Variants in DOCK1 observed in about 807,000 individuals in gnomAD.
DOCK1 encodes dedicator of cytokinesis 1, also known as dedicator of cytokinesis protein 1.
Under a neutral mutation model 262.7 loss-of-function variants are expected in DOCK1, and 138 were observed. The observed-to-expected ratio is 0.53, with a 90% CI of 0.46 to 0.61. DOCK1 has a LOEUF of 0.61. Among genes scored for constraint, DOCK1 ranks in the 20% least tolerant of loss-of-function variants. DOCK1 has a pLI of 0.00. For missense variants in DOCK1, 1,908 were observed against 2,370.7 expected, an observed-to-expected ratio of 0.80 and a Z score of 4.05; for synonymous variants, 866 against 867.4, an observed-to-expected ratio of 1.00 and a Z score of 0.03.
chr10:127,433,498 G>T, intron 48 of DOCK1, 70 bp downstream of exon 48: 1 of 1,521,430 alleles, frequency 6.6e-7, no homozygotes, highest in Admixed American at 2.2e-5. Context: ...AGCCACCCAG[G>T]GCTCTGGGTT....
intron 29 of DOCK1, among the ~76,000 whole-genome samples, chr10:127,266,215 G>A (rs1046281986): frequency 1.3e-5 from 2 of 152,204 alleles, no homozygotes; most frequent in African/African-American, 4.8e-5. Context: ...CTTTGTGCAG[G>A]TTGAAATCAT....
rs2135644292 is a variant in DOCK1 at position 127,043,097 on chromosome 10, T to C, written c.2134T>C (p.Phe712Leu). Residue 712 changes from phenylalanine to leucine, a missense_variant, in exon 21 of 52, where the codon TTT becomes CTT. Physicochemically the swap from Phe to Leu is conservative, Grantham distance 22. This residue lies in a region of DOCK1 where 294 missense variants were observed against 439.9 expected (regional missense o/e 0.67). Coordinates refer to ENST00000623213, the MANE Select transcript of DOCK1 (RefSeq NM_001290223.2). Reference protein sequence around the residue: ...FIIGLIADRKFQHFNPVLETY... With the variant: ...FIIGLIADRKLQHFNPVLETY... ...CATTGGACTGATTGCTGATAGAAAATTTCAGCATTTTAATCCTGTTTTGGA... is the reference window on the plus strand; with the variant it reads ...CATTGGACTGATTGCTGATAGAAAACTTCAGCATTTTAATCCTGTTTTGGA... 1 of 1,610,634 alleles carries C rather than the reference T, an allele frequency of 6.2e-7. No homozygotes were observed. The highest frequency in any genetic ancestry group is 1.3e-5 in the African/African-American group (1 of 75,036).
At chr10:127,112,768 A>G (rs1302141299) in intron 25 of DOCK1, among the ~76,000 whole-genome samples, 2 of 152,222 alleles carry the variant, frequency 1.3e-5, no homozygotes, top group East Asian at 3.9e-4. Flanking sequence ...TTGCCCCATC[A>G]GTAGAAGTTG....
At chr10:127,041,873 C>G (rs1457467579) in intron 19 of DOCK1, among the ~76,000 whole-genome samples, 1 of 152,144 alleles carries the variant, frequency 6.6e-6, no homozygotes, top group Non-Finnish European at 1.5e-5. Flanking sequence ...TCTGCCTCTT[C>G]TTGACCTTCT....
intron 27 of DOCK1, among the ~76,000 whole-genome samples, chr10:127,152,792 C>A (rs1375162807): frequency 2.6e-5 from 4 of 152,212 alleles, no homozygotes; most frequent in Non-Finnish European, 4.4e-5. Context: ...GCCTTCGGTG[C>A]CTATCTCTAC....
At chr10:127,160,527 GCC>G (rs2053508625) in intron 27 of DOCK1, among the ~76,000 whole-genome samples, 1 of 152,190 alleles carries the variant, frequency 6.6e-6, no homozygotes, top group Non-Finnish European at 1.5e-5. Context: ...TCTTTTAAAT[GCC>G]TTGTTAATTT....
At chr10:127,070,788 A>G (rs2135923143) in intron 23 of DOCK1, among the ~76,000 whole-genome samples, 1 of 151,588 alleles carries the variant, frequency 6.6e-6, no homozygotes, top group South Asian at 2.1e-4. Context: ...CTCTGTAGGG[A>G]GGGGGCCTCA....
intron 27 of DOCK1, among the ~76,000 whole-genome samples, chr10:127,211,555 TA>T (rs2057976456): frequency 6.6e-6 from 1 of 152,262 alleles, no homozygotes; most frequent in African/African-American, 2.4e-5. Context: ...TGCTTTTTAT[TA>T]TTGTCATGTT....
intron 29 of DOCK1, among the ~76,000 whole-genome samples, chr10:127,264,208 CAGCTTCCCT>C: frequency 6.6e-6 from 1 of 152,196 alleles, no homozygotes; most frequent in Non-Finnish European, 1.5e-5. Context: ...CTCCAGCTCA[CAGCTTCCCT>C]AGTCCTCCCT....
intron 29 of DOCK1, among the ~76,000 whole-genome samples, chr10:127,279,432 C>T (rs371553623): frequency 9.2e-5 from 14 of 152,300 alleles, no homozygotes; most frequent in Admixed American, 7.8e-4. Flanking sequence ...GAAGAATCAG[C>T]TTTGCTTGAC....
At chr10:126,928,083 C>T (rs952886133) in intron 1 of DOCK1, among the ~76,000 whole-genome samples, 5 of 152,176 alleles carry the variant, frequency 3.3e-5, no homozygotes, top group South Asian at 2.1e-4. Context: ...GCAGTGGGAA[C>T]GGCACATCCT....
chr10:127,064,326 C>T (rs553227484), intron 23 of DOCK1, among the ~76,000 whole-genome samples: 1 of 152,300 alleles, frequency 6.6e-6, no homozygotes, highest in East Asian at 1.9e-4. Context: ...TGGTACCAAA[C>T]CTGCCACTGG....
intron 29 of DOCK1, among the ~76,000 whole-genome samples, chr10:127,261,517 A>G (rs1169102454): frequency 4.4e-4 from 21 of 47,272 alleles, no homozygotes; most frequent in African/African-American, 8.7e-4. Context: ...GTGTGTGTGT[A>G]CCTGCATGTG....
At chr10:127,034,770 T>C (rs904353486) in intron 18 of DOCK1, among the ~76,000 whole-genome samples, 2 of 152,202 alleles carry the variant, frequency 1.3e-5, no homozygotes, top group African/African-American at 4.8e-5. Flanking sequence ...ATTACTTAAC[T>C]TGCTCATCTT....
intron 1 of DOCK1, among the ~76,000 whole-genome samples, chr10:126,935,429 G>A (rs2134209983): frequency 6.6e-6 from 1 of 152,318 alleles, no homozygotes; most frequent in Non-Finnish European, 1.5e-5. Context: ...GGAGGGCCTG[G>A]GAGATGCAGA....
intron 27 of DOCK1, chr10:127,196,022 G>C (rs2057112333): frequency 1.3e-5 from 2 of 152,146 alleles, no homozygotes; most frequent in South Asian, 4.1e-4. Context: ...GATAAGTCGA[G>C]GTCGATGCAG....
chr10:127,400,450 A>G (rs2067156263), intron 38 of DOCK1, among the ~76,000 whole-genome samples: 1 of 152,176 alleles, frequency 6.6e-6, no homozygotes, highest in South Asian at 2.1e-4. Flanking sequence ...TTTCAAATCC[A>G]TCCTGGCAGG....
At chr10:127,239,035 T>C (rs2059170521) in intron 27 of DOCK1, among the ~76,000 whole-genome samples, 1 of 152,228 alleles carries the variant, frequency 6.6e-6, no homozygotes, top group South Asian at 2.1e-4. Flanking sequence ...TTGTGCTTCC[T>C]GTGTTGATGC....
At chr10:127,072,441 T>A (rs1564781829) in intron 23 of DOCK1, among the ~76,000 whole-genome samples, 1 of 152,142 alleles carries the variant, frequency 6.6e-6, no homozygotes, top group African/African-American at 2.4e-5. Flanking sequence ...TTTAAGCAAA[T>A]CACAGACATA....
Sources: allele counts gnomAD v4.1 joint callset (sites outside exome capture counted in the v4.1 genomes callset), GRCh38; gene constraint gnomAD v4.1.1; regional missense constraint gnomAD v4.1.1; transcripts MANE v1.5; gene names NCBI Gene and HGNC (gene_info 2026-07-23, HGNC 2026-07-21).